Variants in OVGP1 observed in about 807,000 individuals in gnomAD.
The protein encoded by OVGP1 is oviduct-specific glycoprotein.
A neutral mutation model predicts 48.2 loss-of-function variants in OVGP1; 26 were observed. The observed-to-expected ratio is 0.54, with a 90% CI of 0.40 to 0.75. OVGP1 has a LOEUF of 0.75. Among genes scored for constraint, OVGP1 ranks in the 30% least tolerant of loss-of-function variants. The pLI is 0.00. For missense variants in OVGP1, 791 were observed against 820.6 expected, an observed-to-expected ratio of 0.96 and a Z score of 0.44; for synonymous variants, 294 against 305.7, an observed-to-expected ratio of 0.96 and a Z score of 0.40.
rs758626521 is a variant in OVGP1 at position 111,426,492 on chromosome 1, T to C, written c.205A>G (p.Lys69Glu). 34 of 1,614,032 alleles carry C rather than the reference T, an allele frequency of 2.1e-5. No homozygotes were observed. Among genetic ancestry groups the C allele is most frequent in the Non-Finnish European group, 2.7e-5 (32 of 1,180,012 alleles). ...ASMNNNQIVA[K>E]DLQDEKILYP... ...AGAATTTTCTCATCCTGGAGATCCT[T>C]AGCAACAATCTGATTGTTGTTCATT... Residue 69 changes from lysine (K) to glutamate (E), a missense_variant, in exon 3 of 11, where the codon AAG (lysine) becomes GAG (glutamate). Transcript: ENST00000369732.
intron 9 of OVGP1, among the ~76,000 whole-genome samples, chr1:111,418,641 A>C (rs191302147): frequency 1.7e-3 from 261 of 152,192 alleles, no homozygotes; most frequent in African/African-American, 6.0e-3. Flanking sequence ...ACAATTTCTC[A>C]CCTTTAAACT....
In OVGP1 at chr1:111,415,166, G is replaced by A. The variant is rs1652100015; in HGVS notation, c.1335C>T (p.Thr445=). ...TAGGGGTCACAGTTGTACCTCTAGGGGTTATAGTCATATTTTCACACTTTC... is the reference window on the plus strand; with the variant it reads ...TAGGGGTCACAGTTGTACCTCTAGGAGTTATAGTCATATTTTCACACTTTC... ...IHGKCENMTI[T]PRGTTVTPTK... Residue 445 remains threonine, a synonymous_variant, in exon 11 of 11, where the codon ACC becomes ACT. Coordinates refer to ENST00000369732, the MANE Select transcript of OVGP1 (RefSeq NM_002557.4). 5.6e-6 allele frequency: 9 copies of A among 1,614,004 alleles called. No individual in the cohort carries two copies. The highest frequency in any genetic ancestry group is 1.6e-4 in the Middle Eastern group (1 of 6,084).
chr1:111,417,217 A>G (rs1446663707), intron 9 of OVGP1, among the ~76,000 whole-genome samples: 1 of 152,228 alleles, frequency 6.6e-6, no homozygotes, highest in Non-Finnish European at 1.5e-5. Context: ...TAAACTGTAG[A>G]TATTGCTCTA....
chr1:111,416,647 G>T, intron 9 of OVGP1, 189 bp from the exon 10 acceptor site: 1 of 416,408 alleles, frequency 2.4e-6, no homozygotes. Context: ...ACCCTTATGT[G>T]TCTTAACTGC....
chr1:111,425,207 C>T (rs1350660465), intron 4 of OVGP1, among the ~76,000 whole-genome samples, 176 bp downstream of exon 4: 1 of 152,226 alleles, frequency 6.6e-6, no homozygotes, highest in East Asian at 1.9e-4. Flanking sequence ...CCCTGACCCA[C>T]CATGGAGAAG....
At position 111,425,426 on chromosome 1, in the gene OVGP1, T is replaced by C; in HGVS notation, c.274A>G (p.Lys92Glu). ...CACCCGCCGATGGACAGTAGTGTTT[T>C]CAGCTCTCTGTTCCTATGATGTGAG... is the stretch of plus-strand genomic sequence containing the variant. Reference protein sequence around the residue: ...NKLKERNRELKTLLSIGGWNF... With the variant: ...NKLKERNRELETLLSIGGWNF... Residue 92 changes from lysine to glutamate, a missense_variant, in exon 4 of 11, where the codon AAA becomes GAA. Coordinates refer to ENST00000369732, the MANE Select transcript of OVGP1 (RefSeq NM_002557.4). The C allele has an allele frequency of 6.2e-7, 1 of 1,614,174 alleles. No homozygotes were observed. Among genetic ancestry groups the C allele is most frequent in the Non-Finnish European group, 8.5e-7 (1 of 1,179,996 alleles).
intron 2 of OVGP1, chr1:111,426,854 G>A (rs1246779624): frequency 6.5e-7 from 1 of 1,548,312 alleles, no homozygotes; most frequent in Non-Finnish European, 8.7e-7. Context: ...GTGAAATCCT[G>A]GTCAGAACAG....
Position 111,414,677 on chromosome 1 carries a change from A to G in OVGP1, c.1824T>C (p.Gly608=), listed in dbSNP as rs764919052. ...CAGCTTCCATCTGAAGACCCAAGTT[A>G]CCCATCCTGGGGTGAGTGCCCACCT... is the stretch of plus-strand genomic sequence containing the variant. ...TSEVGTHPRM[G]NLGLQMEAEN... The change falls in exon 11 of 11, where the codon GGT becomes GGC. Residue 608 remains glycine, a synonymous_variant. Coordinates refer to ENST00000369732, the MANE Select transcript of OVGP1 (RefSeq NM_002557.4). 13 of 1,613,926 alleles carry G rather than the reference A, an allele frequency of 8.1e-6. No homozygotes were observed. The Admixed American group carries it at 1.3e-4, about 17-fold the overall frequency.
At chr1:111,423,498 A>C (rs747224208) in intron 5 of OVGP1, 45 bp downstream of exon 5, 4 of 1,596,300 alleles carry the variant, frequency 2.5e-6, no homozygotes, top group Admixed American at 3.4e-5. Context: ...AGATATATAA[A>C]AGTAGAATCA....
chr1:111,421,003 G>C (rs1202789530), intron 8 of OVGP1, among the ~76,000 whole-genome samples: 2 of 152,122 alleles, frequency 1.3e-5, no homozygotes, highest in South Asian at 4.1e-4. Flanking sequence ...GAAAGTCAGG[G>C]TTTACCTGTA....
At chr1:111,423,890 C>G (rs182440268) in intron 4 of OVGP1, among the ~76,000 whole-genome samples, 182 bp from the exon 5 acceptor site, 1 of 152,206 alleles carries the variant, frequency 6.6e-6, no homozygotes, top group African/African-American at 2.4e-5. Flanking sequence ...GAGCTCAATA[C>G]CCAGGAGTAG....
chr1:111,426,502 C>A lies in OVGP1; in HGVS notation c.195G>T (p.Gln65His). 1 of 1,614,144 alleles carries A rather than the reference C, an allele frequency of 6.2e-7. No homozygotes were observed. Among genetic ancestry groups the A allele is most frequent in the Non-Finnish European group, 8.5e-7 (1 of 1,180,024 alleles). The change falls in exon 3 of 11, where the codon CAG becomes CAT. Residue 65 changes from glutamine to histidine, a missense_variant. Physicochemically the swap from Gln to His is conservative, Grantham distance 24. Transcript: ENST00000369732. ...CATCCTGGAGATCCTTAGCAACAAT[C>A]TGATTGTTGTTCATTGAGGCAAAGG... ...IFAFASMNNNQIVAKDLQDEK... is the reference protein window; with the variant it reads ...IFAFASMNNNHIVAKDLQDEK...
intron 4 of OVGP1, among the ~76,000 whole-genome samples, chr1:111,423,994 TGGGG>T (rs1652338855): frequency 6.6e-6 from 1 of 152,232 alleles, no homozygotes; most frequent in East Asian, 1.9e-4. Flanking sequence ...GCATGCAGCC[TGGGG>T]TGTGGAGAAA....
At position 111,416,969 on chromosome 1, in the gene OVGP1, G is replaced by C. The variant is rs1181030257; in HGVS notation, c.1021-511C>G. On this transcript the variant is annotated intron_variant, in intron 9 of 10. Transcript: ENST00000369732. ...GATGAAAAAGTTCTGGAGATGGATG[G>C]TGGTGATAATTGCACAACAACATGA... Among the ~76,000 whole-genome samples, 4 of 152,202 alleles carry C rather than the reference G, an allele frequency of 2.6e-5. 1 individual carries two copies. The highest frequency in any genetic ancestry group is 6.5e-5 in the Admixed American group (1 of 15,274).
At chr1:111,422,004 T>C (rs529437371) in intron 6 of OVGP1, among the ~76,000 whole-genome samples, 1 of 152,348 alleles carries the variant, frequency 6.6e-6, no homozygotes, top group South Asian at 2.1e-4. Context: ...TTCCATAGCT[T>C]GTCTTTCTAC....
At position 111,416,373 on chromosome 1, in the gene OVGP1, G is replaced by C; in HGVS notation, c.1106C>G (p.Thr369Ser). The change falls in exon 10 of 11, where the codon ACT becomes AGT. Residue 369 changes from threonine to serine, a missense_variant. By Grantham distance (58) the Thr-to-Ser change is moderately conservative. Transcript: ENST00000369732. ...TACGTAGACAAGGGGGAAAGGGCCA[G>C]TGCCACAGAACGTGCCCCTGACGTC... ...MDDVRGTFCG[T>S]GPFPLVYVLN... The C allele has an allele frequency of 6.2e-7, 1 of 1,608,430 alleles. No individual in the cohort carries two copies. Among genetic ancestry groups the C allele is most frequent in the Admixed American group, 1.7e-5 (1 of 59,144 alleles).
intron 9 of OVGP1, among the ~76,000 whole-genome samples, 167 bp downstream of exon 9, chr1:111,419,443 A>G (rs1189288601): frequency 6.6e-6 from 1 of 152,226 alleles, no homozygotes; most frequent in African/African-American, 2.4e-5. Context: ...AGATGGGATT[A>G]TAAAGCCCCA....
intron 6 of OVGP1, among the ~76,000 whole-genome samples, chr1:111,422,604 A>G (rs1275626460): frequency 6.6e-6 from 1 of 152,110 alleles, no homozygotes; most frequent in Admixed American, 6.5e-5. Flanking sequence ...CTACAGATAT[A>G]CTCTGGGTAG....
chr1:111,427,439 A>T (rs1015144551), intron 1 of OVGP1: 2 of 894,666 alleles, frequency 2.2e-6, no homozygotes, highest in African/African-American at 1.8e-5. Context: ...TCATGCAGAG[A>T]TTCTAACAGA....
Sources: allele counts gnomAD v4.1 joint callset (sites outside exome capture counted in the v4.1 genomes callset), GRCh38; gene constraint gnomAD v4.1.1; transcripts MANE v1.5; gene names NCBI Gene and HGNC (gene_info 2026-07-23, HGNC 2026-07-21).